GUCY1A1: variants seen among roughly 807,000 people sequenced by gnomAD.
GUCY1A1 encodes the protein guanylate cyclase soluble subunit alpha-1.
In GUCY1A1, 48 loss-of-function variants were observed where a neutral mutation model predicts 64.5. That is an observed-to-expected ratio of 0.74 (90% CI 0.59 to 0.95). GUCY1A1 has a LOEUF of 0.95. GUCY1A1 is among the 40% of genes least tolerant of loss of function. GUCY1A1 has a pLI of 0.00. For missense variants in GUCY1A1, 804 were observed against 825.3 expected (o/e 0.97, Z 0.32); for synonymous variants, 308 against 303.4 (o/e 1.02, Z -0.16).
intron 2 of GUCY1A1, among the ~76,000 whole-genome samples, chr4:155,687,278 G>A (rs1645901286): frequency 6.6e-6 from 1 of 152,034 alleles, no homozygotes. Flanking sequence ...TTTTTTTCCT[G>A]TTATAAAAAG....
rs1272099170 is a variant in GUCY1A1, at chr4:155,710,978, C to T, written c.813C>T (p.Pro271=). 6.2e-7 allele frequency: 1 copy of T among 1,613,520 alleles called. No individual in the cohort carries two copies. The highest frequency in any genetic ancestry group is 1.1e-5 in the South Asian group (1 of 91,076). ...AGCCATCCCTGTCCCCCAGCAAACC[C>T]CAGTCCTCGCTGGTGATTCCCACAT... is the stretch of plus-strand genomic sequence containing the variant. ...STKPSLSPSK[P]QSSLVIPTSL... is the part of the protein sequence containing the mutation. Residue 271 remains proline (P), a synonymous_variant, in exon 6 of 10, where the codon CCC becomes CCT. Transcript: ENST00000506455.
At chr4:155,719,118 T>TTTTATTATAA (rs1376047737) in intron 8 of GUCY1A1, among the ~76,000 whole-genome samples, 3 of 152,174 alleles carry the variant, frequency 2.0e-5, no homozygotes, top group Non-Finnish European at 4.4e-5. Context: ...TTATGGCATT[T>TTTTATTATAA]TTGTTATTTG....
intron 3 of GUCY1A1, among the ~76,000 whole-genome samples, chr4:155,703,066 A>G (rs1196601338): frequency 1.3e-5 from 2 of 151,916 alleles, no homozygotes; most frequent in African/African-American, 4.8e-5. Flanking sequence ...AATATATAAA[A>G]ATGGACAACA....
chr4:155,689,822 G>C (rs574626350), intron 2 of GUCY1A1, among the ~76,000 whole-genome samples: 2 of 152,300 alleles, frequency 1.3e-5, no homozygotes, highest in South Asian at 4.1e-4. Flanking sequence ...TATGATTATT[G>C]AAAGTGAGGT....
chr4:155,717,758 T>G (rs1733454846), intron 8 of GUCY1A1, among the ~76,000 whole-genome samples: 1 of 152,158 alleles, frequency 6.6e-6, no homozygotes, highest in Admixed American at 6.6e-5. Context: ...GCATCATGAC[T>G]TACAAAATGA....
At chr4:155,698,443 G>T (rs1314762893) in intron 3 of GUCY1A1, among the ~76,000 whole-genome samples, 1 of 152,146 alleles carries the variant, frequency 6.6e-6, no homozygotes, top group Non-Finnish European at 1.5e-5. Context: ...GAAACAATCG[G>T]TGCTCTCATT....
chr4:155,686,232 T>G (rs1430244184), intron 2 of GUCY1A1, among the ~76,000 whole-genome samples: 7 of 152,142 alleles, frequency 4.6e-5, no homozygotes, highest in Non-Finnish European at 7.4e-5. Context: ...TCCCAACACT[T>G]TGGGAGGCCA....
intron 2 of GUCY1A1, among the ~76,000 whole-genome samples, chr4:155,684,800 A>C (rs2126640737): frequency 6.6e-6 from 1 of 152,280 alleles, no homozygotes; most frequent in Admixed American, 6.5e-5. Flanking sequence ...CTCAAAGTGA[A>C]GTTTTCAAAG....
chr4:155,668,821 G>C (rs75269217), intron 2 of GUCY1A1, among the ~76,000 whole-genome samples: 14,366 of 152,096 alleles, frequency 0.094, 886 homozygotes, highest in South Asian at 0.22. Context: ...CTTTATTATT[G>C]CTTCAGTGGA....
chr4:155,711,236 G>T lies in GUCY1A1; in HGVS notation c.1071G>T (p.Val357=). The T allele has an allele frequency of 6.4e-7, 1 of 1,561,482 alleles. No homozygotes were observed. Among genetic ancestry groups the T allele is most frequent in the South Asian group, 1.1e-5 (1 of 89,834 alleles). The change falls in exon 6 of 10, where the codon GTG becomes GTT. Residue 357 remains valine (V), a synonymous_variant. Transcript: ENST00000506455. ...GAGTGAGGAGATGGGACAACTCTGT[G>T]AAAAAATCTTCAAGGGTAAGGAAAA... ...VVRVRRWDNS[V]KKSSRVMDLK... is the part of the protein sequence containing the mutation.
Position 155,730,210 on chromosome 4 carries a change from C to G in GUCY1A1, c.2052C>G (p.Gly684=). ...AAGATGGCAATGCCAATTTTTTAGG[C>G]AAAGCATCAGGAATAGATTAGCAAC... ...DVEDGNANFL[G]KASGID Residue 684 remains glycine (G), a synonymous_variant, in exon 10 of 10, where the codon GGC becomes GGG. Coordinates refer to ENST00000506455, the MANE Select transcript of GUCY1A1 (RefSeq NM_001130682.3). The G allele has an allele frequency of 6.2e-7, 1 of 1,608,650 alleles. No individual in the cohort carries two copies. Among genetic ancestry groups the G allele is most frequent in the South Asian group, 1.1e-5 (1 of 90,958 alleles).
chr4:155,670,390 A>G (rs1733980307), intron 2 of GUCY1A1, among the ~76,000 whole-genome samples: 1 of 152,188 alleles, frequency 6.6e-6, no homozygotes, highest in African/African-American at 2.4e-5. Flanking sequence ...TTTAGTTACT[A>G]GTTGATTTAC....
chr4:155,668,188 G>A (rs929546319), intron 2 of GUCY1A1: 1 of 152,324 alleles, frequency 6.6e-6, no homozygotes, highest in Admixed American at 6.5e-5. Flanking sequence ...ACAATGGTGT[G>A]AGGGGCTGCG....
intron 2 of GUCY1A1, among the ~76,000 whole-genome samples, chr4:155,690,307 TTCTC>T (rs1398299235): frequency 6.6e-6 from 1 of 152,162 alleles, no homozygotes; most frequent in African/African-American, 2.4e-5. Context: ...GGCCTGCGGA[TTCTC>T]TCTCAGAATT....
At chr4:155,722,504 A>G in intron 9 of GUCY1A1, 3 of 995,982 alleles carry the variant, frequency 3.0e-6, no homozygotes, top group Non-Finnish European at 3.7e-6. Context: ...GACATCAACT[A>G]GTACACTGCA....
intron 8 of GUCY1A1, among the ~76,000 whole-genome samples, chr4:155,720,152 T>C (rs1011987519): frequency 2.0e-5 from 3 of 152,138 alleles, no homozygotes; most frequent in African/African-American, 7.2e-5. Context: ...ACGAGCAGAA[T>C]ATATTTACAT....
chr4:155,714,367 A>G (rs567834508), intron 7 of GUCY1A1, among the ~76,000 whole-genome samples: 34 of 152,342 alleles, frequency 2.2e-4, no homozygotes, highest in African/African-American at 7.5e-4. Context: ...GATATTCATC[A>G]GTCATACAGG....
At chr4:155,679,349 T>A (rs1735394231) in intron 2 of GUCY1A1, among the ~76,000 whole-genome samples, 1 of 152,214 alleles carries the variant, frequency 6.6e-6, no homozygotes, top group Non-Finnish European at 1.5e-5. Context: ...GTTGGATAAT[T>A]TATTTACAAA....
chr4:155,723,521 C>G (rs1242098973), intron 9 of GUCY1A1, among the ~76,000 whole-genome samples: 1 of 152,082 alleles, frequency 6.6e-6, no homozygotes, highest in Non-Finnish European at 1.5e-5. Context: ...TCTTAAGTAA[C>G]AAAAGAGTTT....
Sources: allele counts gnomAD v4.1 joint callset (sites outside exome capture counted in the v4.1 genomes callset), GRCh38; gene constraint gnomAD v4.1.1; transcripts MANE v1.5; gene names NCBI Gene and HGNC (gene_info 2026-07-23, HGNC 2026-07-21).